Variants in SENP5 observed in about 807,000 individuals in gnomAD.
SENP5 encodes sentrin-specific protease 5.
In SENP5, 21 loss-of-function variants were observed where a neutral mutation model predicts 74.2. The ratio of observed to expected loss-of-function variants is 0.28; its 90% confidence interval spans 0.20 to 0.41. The LOEUF is 0.41. Ranked by LOEUF, SENP5 falls within the 10% of genes least tolerant of loss-of-function variation. The probability of loss-of-function intolerance (pLI) is 1.00; values close to 1 mark genes in which losing one functional copy is unlikely to be tolerated. For missense variants in SENP5, 717 were observed against 889.1 expected (o/e 0.81, Z 2.46); for synonymous variants, 311 against 312.7 (o/e 0.99, Z 0.06).
Position 196,928,398 on chromosome 3 carries a change from G to A in SENP5, c.2106+519G>A, listed in dbSNP as rs80346180. Among the ~76,000 whole-genome samples, 189 of 152,308 alleles carry A rather than the reference G, an allele frequency of 1.2e-3. 6 individuals are homozygous for A. The East Asian group carries it at 0.03, about 25-fold the overall frequency. The stretch of plus-strand genomic sequence containing the variant: ...TGCCCAGGCACAGCCGCTCATTCCT[G>A]TCGTAAATACCAGTGTCTTCATTGA... On this transcript the variant is annotated intron_variant, in intron 8 of 9. Transcript: ENST00000323460.
Position 196,899,707 on chromosome 3 carries a change from C to T in SENP5, c.1555C>T (p.Pro519Ser). 6.2e-7 allele frequency: 1 copy of T among 1,610,832 alleles called. No individual in the cohort carries two copies. Among genetic ancestry groups the T allele is most frequent in the Non-Finnish European group, 8.5e-7 (1 of 1,177,322 alleles). ...TATGAAGAAGTATGGCAGTTTGGTT[C>T]CACTCAGTGAAAAAGAAGTCCTTGG... ...EVMKKYGSLV[P>S]LSEKEVLGRL... is the part of the protein sequence containing the mutation. Residue 519 changes from proline (P) to serine (S), a missense_variant, in exon 3 of 10, where the codon CCA (proline) becomes TCA (serine). Around this residue, in one of 4 missense-constraint regions of SENP5, gnomAD observed 64 missense variants for 100.8 expected, o/e 0.64. Coordinates refer to ENST00000323460, the MANE Select transcript of SENP5 (RefSeq NM_152699.5).
At chr3:196,920,816 C>G (rs2108860322) in intron 6 of SENP5, among the ~76,000 whole-genome samples, 1 of 152,334 alleles carries the variant, frequency 6.6e-6, no homozygotes. Context: ...TGAGACATGG[C>G]AGTCTCACAT....
At chr3:196,899,540 TATATAGTA>T in intron 2 of SENP5, 118 bp from the exon 3 acceptor site, 1 of 546,670 alleles carries the variant, frequency 1.8e-6, no homozygotes, top group Non-Finnish European at 3.3e-6. Context: ...GTATCAATAT[TATATAGTA>T]ATATAGGTTA....
At chr3:196,918,037 C>T (rs1352311311) in intron 6 of SENP5, among the ~76,000 whole-genome samples, 1 of 151,572 alleles carries the variant, frequency 6.6e-6, no homozygotes, top group Non-Finnish European at 1.5e-5. Flanking sequence ...TGGCCGGGCA[C>T]GGTGGCTCAC....
intron 1 of SENP5, among the ~76,000 whole-genome samples, chr3:196,868,851 C>A (rs1252032650): frequency 6.7e-6 from 1 of 148,560 alleles, no homozygotes; most frequent in East Asian, 2.0e-4. Flanking sequence ...TTAAGAATAT[C>A]CAGGACACTT....
rs948609562 is a variant in SENP5 at position 196,870,073 on chromosome 3, G to T, written c.-32+2000G>T. On this transcript the variant is annotated intron_variant, in intron 1 of 9. Transcript: ENST00000323460. Reference sequence around the variant, plus strand: ...AACGGGGTTCTGTGCTTCTCTAGTTGCCAAACATCTGATTGAAGTAGATCA... The same window carrying T: ...AACGGGGTTCTGTGCTTCTCTAGTTTCCAAACATCTGATTGAAGTAGATCA... Among the ~76,000 whole-genome samples the T allele has an allele frequency of 2.0e-5, 3 of 152,020 alleles. No individual in the cohort carries two copies. In the South Asian group the frequency reaches 6.2e-4, roughly 32 times the overall value.
intron 7 of SENP5, among the ~76,000 whole-genome samples, chr3:196,926,431 G>A (rs1363841785): frequency 6.0e-5 from 9 of 149,274 alleles, no homozygotes; most frequent in African/African-American, 1.5e-4. Context: ...GCAGCGAGCC[G>A]AGATCGCACC....
chr3:196,929,473 G>T, intron 8 of SENP5, 160 bp from the exon 9 acceptor site: 1 of 549,624 alleles, frequency 1.8e-6, no homozygotes, highest in Non-Finnish European at 3.2e-6. Context: ...ATGTGGCCAG[G>T]TGCCTCCATA....
At chr3:196,902,928 A>C (rs193047520) in intron 5 of SENP5, among the ~76,000 whole-genome samples, 19 of 151,838 alleles carry the variant, frequency 1.3e-4, no homozygotes, top group Admixed American at 1.1e-3. Context: ...GGTAATTGTT[A>C]CCTCATTTTT....
chr3:196,895,495 C>T (rs1349522458), intron 2 of SENP5, among the ~76,000 whole-genome samples: 2 of 84,888 alleles, frequency 2.4e-5, no homozygotes, highest in East Asian at 4.1e-4. Context: ...CTTACTTTAA[C>T]TTCTTTTTTT....
In SENP5 at chr3:196,881,529, C is replaced by T. The variant is rs184150211; in HGVS notation, c.-31-3622C>T. 1.3e-4 allele frequency among the ~76,000 whole-genome samples: 20 copies of T among 152,096 alleles called. No homozygotes were observed. In the East Asian group the frequency reaches 3.9e-3, roughly 29 times the overall value. ...TTGTCTTATAAATGAATTTGGACATCTTTCTTAAGCTTAAGGAACATTTAA... is the reference window on the plus strand; with the variant it reads ...TTGTCTTATAAATGAATTTGGACATTTTTCTTAAGCTTAAGGAACATTTAA... On this transcript the variant is annotated intron_variant, in intron 1 of 9. Transcript: ENST00000323460.
intron 1 of SENP5, among the ~76,000 whole-genome samples, chr3:196,872,853 G>A (rs1265758396): frequency 2.0e-5 from 3 of 152,160 alleles, no homozygotes; most frequent in African/African-American, 7.2e-5. Context: ...GGGCTGTGCT[G>A]TTCTAGTCTA....
intron 8 of SENP5, 24 bp from the exon 9 acceptor site, chr3:196,929,609 T>C (rs1014006691): frequency 4.7e-6 from 7 of 1,495,238 alleles, no homozygotes; most frequent in Admixed American, 1.8e-5. Context: ...CTTGTTTTAA[T>C]GACTATTTTG....
At chr3:196,918,677 A>G (rs891893711) in intron 6 of SENP5, among the ~76,000 whole-genome samples, 2 of 152,178 alleles carry the variant, frequency 1.3e-5, no homozygotes, top group East Asian at 1.9e-4. Context: ...ATAACATTGA[A>G]TGTAAATGGA....
intron 6 of SENP5, chr3:196,914,584 A>ATATATATAT (rs1242643022): frequency 3.4e-4 from 20 of 59,394 alleles, no homozygotes; most frequent in Middle Eastern, 8.5e-3. Flanking sequence ...AAAAAAAAAA[A>ATATATATAT]AAATATATAT....
Position 196,931,421 on chromosome 3 carries a change from A to G in SENP5, c.*498A>G, listed in dbSNP as rs1716034104. 1 of 156,332 alleles carries G rather than the reference A, an allele frequency of 6.4e-6. No homozygotes were observed. The allele number at this position is 156,332 out of a possible 1,614,324, so 9.7% of individuals were successfully genotyped here. A position where few individuals can be genotyped will look rare whatever the true frequency, so the allele number is the denominator to read the frequency against. On this transcript the variant is annotated 3_prime_UTR_variant, in exon 10 of 10. Transcript: ENST00000323460. ...AGTCCTGTTTTACTTTACCAGCGGC[A>G]ACTTTCACCAACTTCCCTCTCCAAG... is the stretch of plus-strand genomic sequence containing the variant.
intron 7 of SENP5, among the ~76,000 whole-genome samples, chr3:196,926,481 CAAAAA>C (rs56334033): frequency 8.0e-6 from 1 of 125,354 alleles, no homozygotes. Context: ...GACTCCGTCT[CAAAAA>C]AAAAAAAAAA....
rs543042838 is a variant in SENP5 at position 196,925,611 on chromosome 3, T to C, written c.2022+2060T>C. On this transcript the variant is annotated intron_variant, in intron 7 of 9. Transcript: ENST00000323460. ...CCTCTTGCTTTGTGCCAGGCACTGA[T>C]GCTAGGGAGTCAGGTAGGGGCCAGA... 5.9e-5 allele frequency among the ~76,000 whole-genome samples: 9 copies of C among 152,348 alleles called. No individual in the cohort carries two copies. In the East Asian group the frequency reaches 7.7e-4, roughly 13 times the overall value.
intron 1 of SENP5, 121 bp downstream of exon 1, chr3:196,868,194 C>T (rs1007906973): frequency 6.6e-6 from 1 of 152,278 alleles, no homozygotes; most frequent in Non-Finnish European, 1.5e-5. Flanking sequence ...GAGCCGCCCT[C>T]CCCCGCCCGA....
Sources: allele counts gnomAD v4.1 joint callset (sites outside exome capture counted in the v4.1 genomes callset), GRCh38; gene constraint gnomAD v4.1.1; regional missense constraint gnomAD v4.1.1; transcripts MANE v1.5; gene names NCBI Gene and HGNC (gene_info 2026-07-23, HGNC 2026-07-21).